EVC: variants seen among roughly 807,000 people sequenced by gnomAD.
The protein encoded by EVC is EvC ciliary complex subunit 1.
In EVC, 116 loss-of-function variants were observed where a neutral mutation model predicts 118.9. The ratio of observed to expected loss-of-function variants is 0.98; its 90% CI spans 0.84 to 1.14. The LOEUF (loss-of-function observed/expected upper bound fraction) is 1.14. EVC is among the 50% of genes most tolerant of loss of function. The pLI is 0.00. For missense variants in EVC, 1,401 were observed against 1,246.4 expected, an observed-to-expected ratio of 1.12 and a Z score of -1.87; for synonymous variants, 619 against 534.7, an observed-to-expected ratio of 1.16 and a Z score of -2.18.
intron 11 of EVC, among the ~76,000 whole-genome samples, chr4:5,777,878 T>TGC (rs1734947013): frequency 6.6e-6 from 1 of 152,070 alleles, no homozygotes; most frequent in South Asian, 2.1e-4. Context: ...AGGGTACATG[T>TGC]GCACAATGTG....
rs908218198 is a variant in EVC, at chr4:5,742,914, G to T, written c.801+1100G>T. On this transcript the variant is annotated intron_variant, in intron 6 of 20. Coordinates refer to ENST00000264956, the MANE Select transcript of EVC (RefSeq NM_153717.3). The surrounding 1 kb of genome is among the most constrained non-coding windows in gnomAD (Gnocchi z 5.2). ...ATGGTGCCACTCCTTGCGGAGCAGG[G>T]CTAACCCGTAGGCAGTGTGCCCAGA... 3.3e-5 allele frequency among the ~76,000 whole-genome samples: 5 copies of T among 152,202 alleles called. No individual in the cohort carries two copies. The highest frequency in any genetic ancestry group is 7.3e-5 in the Non-Finnish European group (5 of 68,040).
intron 17 of EVC, 32 bp from the exon 18 acceptor site, chr4:5,808,169 C>CCCTCCCTCCCTCCCTCCCTTCCTTCCTG: frequency 1.0e-6 from 1 of 962,688 alleles, no homozygotes; most frequent in Non-Finnish European, 1.4e-6. Flanking sequence ...CTTCCTTCCT[C>CCCTCCCTCCCTCCCTCCCTTCCTTCCTG]CCTGCCAGCC....
chr4:5,744,090 A>C (rs1324485089), intron 6 of EVC, among the ~76,000 whole-genome samples: 1 of 152,212 alleles, frequency 6.6e-6, no homozygotes, highest in Non-Finnish European at 1.5e-5. Context: ...TAGCCAAGTG[A>C]TTTAAATGCA....
intron 5 of EVC, among the ~76,000 whole-genome samples, chr4:5,740,278 C>T (rs948727155): frequency 1.4e-4 from 21 of 151,966 alleles, no homozygotes; most frequent in Non-Finnish European, 2.5e-4. Flanking sequence ...CAAGACCAGC[C>T]TGGCCAACAT....
At chr4:5,727,429 T>C (rs891696110) in intron 2 of EVC, among the ~76,000 whole-genome samples, 1 of 152,168 alleles carries the variant, frequency 6.6e-6, no homozygotes, top group Non-Finnish European at 1.5e-5. Flanking sequence ...GTTTGTTTTT[T>C]TCTTGTAAAT....
At position 5,725,459 on chromosome 4, in the gene EVC, T is replaced by A. The variant is rs376609735; in HGVS notation, c.301-3848T>A. The stretch of plus-strand genomic sequence containing the variant: ...TATCTCATTGTGGTTTTGATTTGCA[T>A]CTCTCTAATGATCAGTGATGTTGAG... On this transcript the variant is annotated intron_variant, in intron 2 of 20. Transcript: ENST00000264956. 5.1e-4 allele frequency among the ~76,000 whole-genome samples: 77 copies of A among 152,252 alleles called. 1 individual carries two copies. Among genetic ancestry groups the A allele is most frequent in the Middle Eastern group, 3.2e-3 (1 of 316 alleles).
rs1482187325 is a variant in EVC, at chr4:5,742,069, T to C, written c.801+255T>C. The stretch of plus-strand genomic sequence containing the variant: ...TACTCAAAGACGGTCACTGTTAATG[T>C]TTTTTTCTGCACACATTTGGGATAT... On this transcript the variant is annotated intron_variant, in intron 6 of 20. Coordinates refer to ENST00000264956, the MANE Select transcript of EVC (RefSeq NM_153717.3). This position sits in a 1 kb window ranked among gnomAD's most constrained non-coding sequence, Gnocchi z 5.2. 6.6e-6 allele frequency among the ~76,000 whole-genome samples: 1 copy of C among 152,204 alleles called. No homozygotes were observed. The highest frequency in any genetic ancestry group is 6.5e-5 in the Admixed American group (1 of 15,274).
the EVC span, among the ~76,000 whole-genome samples, chr4:5,827,783 T>C: frequency 1.3e-5 from 2 of 151,848 alleles, no homozygotes; most frequent in Non-Finnish European, 2.9e-5. Flanking sequence ...AAACATCAGC[T>C]GTCTCATGGG....
chr4:5,731,729 A>T lies in EVC; in HGVS notation c.617+72A>T, dbSNP rs910159879. On this transcript the variant is annotated intron_variant, in intron 4 of 20. Transcript: ENST00000264956. This position sits in a 1 kb window ranked among gnomAD's most constrained non-coding sequence, Gnocchi z 5.6. ...GTGGGCCGGGAGTCACATCATTGTCAGAGGAGGAAACAGAGGCCCAGAGAG... is the reference window on the plus strand; with the variant it reads ...GTGGGCCGGGAGTCACATCATTGTCTGAGGAGGAAACAGAGGCCCAGAGAG... 5 of 1,434,464 alleles carry T rather than the reference A, an allele frequency of 3.5e-6. No individual in the cohort carries two copies. In the African/African-American group the frequency reaches 7.1e-5, roughly 20 times the overall value. 88.9% of individuals were successfully genotyped at this position (1,434,464 alleles called of 1,614,324 possible).
intron 5 of EVC, among the ~76,000 whole-genome samples, chr4:5,741,070 G>T (rs1024264383): frequency 6.6e-6 from 1 of 152,202 alleles, no homozygotes; most frequent in Non-Finnish European, 1.5e-5. Flanking sequence ...GTTACCAGAA[G>T]ACCCAGCAAT....
rs1315195171 is a variant in EVC at position 5,783,401 on chromosome 4, T to G, written c.1564-151T>G. ...GGGGAGTTACTTGTATGTGTGTCTA[T>G]GCATGCTTGCATACGTGTGACTTGA... is the stretch of plus-strand genomic sequence containing the variant. On this transcript the variant is annotated intron_variant, in intron 11 of 20. Coordinates refer to ENST00000264956, the MANE Select transcript of EVC (RefSeq NM_153717.3). The G allele has an allele frequency of 5.3e-6, 4 of 756,044 alleles. No individual in the cohort carries two copies. In the African/African-American group the frequency reaches 6.9e-5, roughly 13 times the overall value. The allele number at this position is 756,044 out of a possible 1,614,324, so 46.8% of individuals were successfully genotyped here.
At chr4:5,740,876 A>G (rs1280780656) in intron 5 of EVC, among the ~76,000 whole-genome samples, 1 of 152,188 alleles carries the variant, frequency 6.6e-6, no homozygotes, top group Non-Finnish European at 1.5e-5. Flanking sequence ...TCCAAGTTGA[A>G]CTCACAATAA....
intron 17 of EVC, among the ~76,000 whole-genome samples, chr4:5,807,606 C>A (rs1333392866): frequency 6.6e-6 from 1 of 152,160 alleles, no homozygotes; most frequent in Non-Finnish European, 1.5e-5. Context: ...GGCCCTGGGG[C>A]TCAGGTACCC....
intron 12 of EVC, among the ~76,000 whole-genome samples, chr4:5,788,575 T>C (rs1401181518): frequency 1.3e-5 from 2 of 152,230 alleles, no homozygotes; most frequent in African/African-American, 4.8e-5. Context: ...CCTCCATTTT[T>C]CTACTAAATT....
chr4:5,809,350 T>G (rs1281578011), intron 18 of EVC, among the ~76,000 whole-genome samples, 168 bp from the exon 19 acceptor site: 1 of 152,170 alleles, frequency 6.6e-6, no homozygotes, highest in Non-Finnish European at 1.5e-5. Flanking sequence ...TGCCAGTGTG[T>G]CCTCCTGCTC....
chr4:5,773,940 T>A (rs190427791), intron 11 of EVC, among the ~76,000 whole-genome samples: 1 of 152,100 alleles, frequency 6.6e-6, no homozygotes, highest in East Asian at 1.9e-4. Context: ...AACAAAAGTC[T>A]CCCAGGGGCC....
chr4:5,721,958 G>T (rs953997521), intron 2 of EVC, among the ~76,000 whole-genome samples: 1 of 152,198 alleles, frequency 6.6e-6, no homozygotes, highest in African/African-American at 2.4e-5. Flanking sequence ...GAACTGCAGG[G>T]TGTGTGAATT....
At chr4:5,780,651 T>G (rs1735450924) in intron 11 of EVC, among the ~76,000 whole-genome samples, 1 of 152,214 alleles carries the variant, frequency 6.6e-6, no homozygotes, top group Admixed American at 6.5e-5. Context: ...CTCTGTGGTC[T>G]TGTCCATGAG....
At chr4:5,821,804 C>A in the EVC span, 1 of 1,611,598 alleles carries the variant, frequency 6.2e-7, no homozygotes, top group Non-Finnish European at 8.5e-7. The surrounding 1 kb of genome is among the most constrained non-coding windows in gnomAD (Gnocchi z 4.4). Flanking sequence ...GGGGGCGCCA[C>A]GATGCGGTGG....
Sources: allele counts gnomAD v4.1 joint callset (sites outside exome capture counted in the v4.1 genomes callset), GRCh38; gene constraint gnomAD v4.1.1; non-coding constraint Gnocchi (gnomAD v3.1); transcripts MANE v1.5; gene names NCBI Gene and HGNC (gene_info 2026-07-23, HGNC 2026-07-21).